Variants in SNTB2 observed in about 807,000 individuals in gnomAD.
SNTB2 encodes the protein beta-2-syntrophin.
In SNTB2, 34 loss-of-function variants were observed where a neutral mutation model predicts 46.2. The ratio of observed to expected loss-of-function variants is 0.74; its 90% CI spans 0.56 to 0.98. SNTB2 has a LOEUF of 0.98. Among genes scored for constraint, SNTB2 ranks in the 50% least tolerant of loss-of-function variants. The pLI is 0.00. For missense variants in SNTB2, 603 were observed against 731.4 expected, an observed-to-expected ratio of 0.82 and a Z score of 2.02; for synonymous variants, 290 against 312.6, an observed-to-expected ratio of 0.93 and a Z score of 0.76.
intron 1 of SNTB2, among the ~76,000 whole-genome samples, chr16:69,235,050 C>T (rs568221960): frequency 6.6e-6 from 1 of 152,200 alleles, no homozygotes; most frequent in South Asian, 2.1e-4. Context: ...GACGGAGTCT[C>T]TCCCAGGCTG....
At chr16:69,203,470 C>T (rs1415601631) in intron 1 of SNTB2, among the ~76,000 whole-genome samples, 1 of 152,030 alleles carries the variant, frequency 6.6e-6, no homozygotes, top group African/African-American at 2.4e-5. Flanking sequence ...TCTCGAGTAG[C>T]TGGAATTAGT....
At chr16:69,218,423 CT>C (rs574555246) in intron 1 of SNTB2, among the ~76,000 whole-genome samples, 6,485 of 145,060 alleles carry the variant, frequency 0.045, 182 homozygotes, top group South Asian at 0.077. Flanking sequence ...TCTTCTTCTT[CT>C]TTTTTTTTTT....
intron 1 of SNTB2, among the ~76,000 whole-genome samples, chr16:69,196,376 CTTTTTTTTTTTT>C (rs533787609): frequency 7.4e-6 from 1 of 134,656 alleles, no homozygotes; most frequent in South Asian, 2.4e-4. Context: ...TTTTCTTTTT[CTTTTTTTTTTTT>C]TTTTGAGATG....
At chr16:69,222,614 T>C in intron 1 of SNTB2, among the ~76,000 whole-genome samples, 1 of 151,856 alleles carries the variant, frequency 6.6e-6, no homozygotes, top group Middle Eastern at 3.4e-3. Context: ...AAAAAGATTT[T>C]ATAAGATGTG....
At chr16:69,288,969 A>T (rs896689042) in intron 5 of SNTB2, among the ~76,000 whole-genome samples, 3 of 152,132 alleles carry the variant, frequency 2.0e-5, no homozygotes, top group African/African-American at 7.2e-5. Context: ...GTTCTCACTT[A>T]TATGGGAGCT....
chr16:69,222,910 T>G (rs1406746066), intron 1 of SNTB2, among the ~76,000 whole-genome samples: 2 of 151,176 alleles, frequency 1.3e-5, no homozygotes, highest in Non-Finnish European at 2.9e-5. Context: ...GCCTCCCGAG[T>G]AGCTGGGATT....
At chr16:69,250,768 C>T (rs1964717543) in intron 2 of SNTB2, among the ~76,000 whole-genome samples, 1 of 151,772 alleles carries the variant, frequency 6.6e-6, no homozygotes. Flanking sequence ...CCCAGCTACT[C>T]AAGAGGCTGA....
Position 69,305,883 on chromosome 16 carries a change from T to C in SNTB2, c.*4959T>C, listed in dbSNP as rs1482403568. The C allele has an allele frequency of 1.3e-5, 2 of 152,118 alleles. No homozygotes were observed. Among genetic ancestry groups the C allele is most frequent in the African/African-American group, 4.8e-5 (2 of 41,448 alleles). The allele number at this position is 152,118 out of a possible 1,614,324, so 9.4% of individuals were successfully genotyped here. A position where few individuals can be genotyped will look rare whatever the true frequency, so the allele number is the denominator to read the frequency against. The stretch of plus-strand genomic sequence containing the variant: ...TTATTCTGACTTTCCACATACTGTC[T>C]TTAAAAACCAATTGTAGCAATCTGC... On this transcript the variant is annotated 3_prime_UTR_variant, in exon 7 of 7. Transcript: ENST00000336278.
At chr16:69,242,484 A>G (rs1964627228) in intron 1 of SNTB2, among the ~76,000 whole-genome samples, 1 of 152,186 alleles carries the variant, frequency 6.6e-6, no homozygotes, top group East Asian at 1.9e-4. Context: ...CATTTCTTAA[A>G]TACGTTTTTA....
rs1352712089 is a variant in SNTB2 at position 69,187,492 on chromosome 16, C to T, written c.326C>T (p.Ala109Val). 9 of 1,246,760 alleles carry T rather than the reference C, an allele frequency of 7.2e-6. No individual in the cohort carries two copies. The highest frequency in any genetic ancestry group is 6.3e-5 in the East Asian group (2 of 31,776). The allele number at this position is 1,246,760 out of a possible 1,614,324, so 77.2% of individuals were successfully genotyped here. A position where few individuals can be genotyped will look rare whatever the true frequency, so the allele number is the denominator to read the frequency against. Reference protein sequence around the residue: ...PPRGPAGEAGASPPVRRVRVV... With the variant: ...PPRGPAGEAGVSPPVRRVRVV... ...CGGGGCCCCGCGGGTGAGGCGGGCG[C>T]GTCGCCGCCCGTGCGCCGGGTGCGG... The change falls in exon 1 of 7, where the codon GCG (alanine) becomes GTG (valine). Residue 109 changes from alanine (A) to valine (V), a missense_variant. Coordinates refer to ENST00000336278, the MANE Select transcript of SNTB2 (RefSeq NM_006750.4).
intron 3 of SNTB2, among the ~76,000 whole-genome samples, chr16:69,265,606 A>C (rs982289564): frequency 2.6e-5 from 4 of 152,078 alleles, no homozygotes; most frequent in Non-Finnish European, 5.9e-5. Flanking sequence ...AGGCAGGCGT[A>C]TCACGAGGTC....
At chr16:69,227,121 T>G (rs1964466854) in intron 1 of SNTB2, among the ~76,000 whole-genome samples, 1 of 152,188 alleles carries the variant, frequency 6.6e-6, no homozygotes, top group Admixed American at 6.5e-5. Context: ...CTAGAGCAAT[T>G]AGCAACAACA....
At chr16:69,268,427 G>A (rs1385567640) in intron 3 of SNTB2, among the ~76,000 whole-genome samples, 1 of 151,804 alleles carries the variant, frequency 6.6e-6, no homozygotes. Context: ...TCGTGACATT[G>A]CACTCCAGCC....
In SNTB2 at chr16:69,284,078, C is replaced by T; in HGVS notation, c.1179C>T (p.Ser393=). 6.2e-7 allele frequency: 1 copy of T among 1,613,164 alleles called. No individual in the cohort carries two copies. Among genetic ancestry groups the T allele is most frequent in the Non-Finnish European group, 8.5e-7 (1 of 1,179,562 alleles). The change falls in exon 5 of 7, where the codon TCC becomes TCT. Residue 393 remains serine (S), a synonymous_variant. Transcript: ENST00000336278. ...TTCATTCTGGCTCCGGATGTCGATC[C>T]CCCTCCCTTGGATCTGACCTTACAT... ...RLVHSGSGCR[S]PSLGSDLTFA...
chr16:69,193,459 G>C (rs1300361212), intron 1 of SNTB2, among the ~76,000 whole-genome samples: 1 of 150,354 alleles, frequency 6.7e-6, no homozygotes, highest in Non-Finnish European at 1.5e-5. Context: ...CTCCCAAGTA[G>C]CTTGGATTAC....
At chr16:69,223,733 A>G (rs1274269431) in intron 1 of SNTB2, among the ~76,000 whole-genome samples, 5 of 151,674 alleles carry the variant, frequency 3.3e-5, no homozygotes, top group Non-Finnish European at 5.9e-5. Context: ...GATTCATGCC[A>G]TTCTCCTGCC....
chr16:69,222,906 C>T (rs1020194747), intron 1 of SNTB2, among the ~76,000 whole-genome samples: 2 of 151,612 alleles, frequency 1.3e-5, no homozygotes, highest in Non-Finnish European at 2.9e-5. Flanking sequence ...CTCAGCCTCC[C>T]GAGTAGCTGG....
rs1965315875 is a variant in SNTB2, at chr16:69,306,281, A to G, written c.*5357A>G. The G allele has an allele frequency of 6.6e-6, 1 of 152,118 alleles. No homozygotes were observed. Among genetic ancestry groups the G allele is most frequent in the Non-Finnish European group, 1.5e-5 (1 of 68,032 alleles). 9.4% of individuals were successfully genotyped at this position (152,118 alleles called of 1,614,324 possible). ...TGTCTCTCTGACTAGCTAAACTGCC[A>G]ACTAGAAGAATGGTTGTTATGTAGT... On this transcript the variant is annotated 3_prime_UTR_variant, in exon 7 of 7. Coordinates refer to ENST00000336278, the MANE Select transcript of SNTB2 (RefSeq NM_006750.4).
At chr16:69,232,322 C>T (rs550165850) in intron 1 of SNTB2, among the ~76,000 whole-genome samples, 1 of 151,052 alleles carries the variant, frequency 6.6e-6, no homozygotes, top group East Asian at 1.9e-4. Context: ...TCTCCTGCCT[C>T]AGCCTCCCGA....
Sources: allele counts gnomAD v4.1 joint callset (sites outside exome capture counted in the v4.1 genomes callset), GRCh38; gene constraint gnomAD v4.1.1; transcripts MANE v1.5; gene names NCBI Gene and HGNC (gene_info 2026-07-23, HGNC 2026-07-21).